The following STARD3NL variants were observed in gnomAD, a reference collection of about 807,000 sequenced individuals.
The protein encoded by STARD3NL is STARD3 N-terminal like, also known as STARD3 N-terminal-like protein.
A neutral mutation model predicts 30.9 loss-of-function variants in STARD3NL; 17 were observed. The ratio of observed to expected loss-of-function variants is 0.55; its 90% CI spans 0.38 to 0.82. The LOEUF is 0.82. Among genes scored for constraint, STARD3NL ranks in the 40% least tolerant of loss-of-function variants. The pLI is 0.00. For missense variants in STARD3NL, 234 were observed against 277.6 expected, an observed-to-expected ratio of 0.84 and a Z score of 1.12; for synonymous variants, 112 against 100.5, an observed-to-expected ratio of 1.11 and a Z score of -0.69.
chr7:38,225,487 C>T (rs978836897), intron 7 of STARD3NL, among the ~76,000 whole-genome samples: 53 of 152,238 alleles, frequency 3.5e-4, no homozygotes, highest in African/African-American at 1.2e-3. Context: ...ATTAAGATTA[C>T]AATACATTTT....
At chr7:38,219,936 C>A (rs1387729642) in intron 7 of STARD3NL, among the ~76,000 whole-genome samples, 1 of 152,154 alleles carries the variant, frequency 6.6e-6, no homozygotes, top group Non-Finnish European at 1.5e-5. Context: ...TCAGTGCTCT[C>A]ATTATTGCGG....
At chr7:38,197,146 T>TTCTTTC (rs1554295471) in intron 1 of STARD3NL, among the ~76,000 whole-genome samples, 2 of 140,448 alleles carry the variant, frequency 1.4e-5, no homozygotes, top group Non-Finnish European at 3.1e-5. Context: ...TTTTCTTTCT[T>TTCTTTC]TCTTTCTTTC....
At chr7:38,218,382 A>G (rs942439434) in intron 6 of STARD3NL, among the ~76,000 whole-genome samples, 1 of 152,256 alleles carries the variant, frequency 6.6e-6, no homozygotes, top group Non-Finnish European at 1.5e-5. Context: ...TTAAAAACCC[A>G]TTAATCAGAC....
chr7:38,191,992 TATGA>T (rs1784706092), intron 1 of STARD3NL, among the ~76,000 whole-genome samples: 1 of 152,206 alleles, frequency 6.6e-6, no homozygotes, highest in Non-Finnish European at 1.5e-5. Flanking sequence ...ATCTTAACAA[TATGA>T]ATTCTTCCAA....
chr7:38,217,387 G>T, intron 6 of STARD3NL, 82 bp downstream of exon 6: 1 of 1,331,992 alleles, frequency 7.5e-7, no homozygotes, highest in Non-Finnish European at 1.1e-6. Context: ...TGGTGTGAAT[G>T]GGGCTGCAAA....
intron 7 of STARD3NL, among the ~76,000 whole-genome samples, chr7:38,223,667 T>C (rs1359276478): frequency 6.6e-6 from 1 of 152,142 alleles, no homozygotes. Flanking sequence ...TGTTCTTGTT[T>C]AGATGATCAT....
chr7:38,212,070 C>G (rs1717415090), intron 2 of STARD3NL, among the ~76,000 whole-genome samples: 1 of 152,298 alleles, frequency 6.6e-6, no homozygotes, highest in East Asian at 1.9e-4. Context: ...CCTGCTTCCT[C>G]TCACCCTGCA....
At chr7:38,215,823 GAGCTCGGGTCTGGGTGGCCC>G in intron 4 of STARD3NL, 1 of 152,230 alleles carries the variant, frequency 6.6e-6, no homozygotes, top group Non-Finnish European at 1.5e-5. Context: ...TAGAGGGTGA[GAGCTCGGGTCTGGGTGGCCC>G]AGGCCTGGGT....
chr7:38,203,211 A>G (rs1785272792), intron 1 of STARD3NL, among the ~76,000 whole-genome samples: 1 of 152,162 alleles, frequency 6.6e-6, no homozygotes, highest in African/African-American at 2.4e-5. Context: ...ATGAAGGAAA[A>G]AGTGTTAAGG....
intron 1 of STARD3NL, among the ~76,000 whole-genome samples, chr7:38,187,579 A>G (rs1784513765): frequency 6.6e-6 from 1 of 152,148 alleles, no homozygotes; most frequent in South Asian, 2.1e-4. Flanking sequence ...TAGTGGACTT[A>G]CATAGGGCCC....
chr7:38,211,828 G>A (rs150096415), intron 2 of STARD3NL, among the ~76,000 whole-genome samples: 235 of 152,190 alleles, frequency 1.5e-3, no homozygotes, highest in African/African-American at 5.1e-3. Flanking sequence ...ACATGAAAAC[G>A]CATTTTGATT....
rs1034199478 is a variant in STARD3NL, at chr7:38,184,023, G to T, written c.-59+5603G>T. Among the ~76,000 whole-genome samples, 3 of 152,074 alleles carry T rather than the reference G, an allele frequency of 2.0e-5. No homozygotes were observed. In the East Asian group the frequency reaches 5.8e-4, roughly 29 times the overall value. On this transcript the variant is annotated intron_variant, in intron 1 of 8. Coordinates refer to ENST00000009041, the MANE Select transcript of STARD3NL (RefSeq NM_032016.4). Reference sequence around the variant, plus strand: ...CTAACACATGCCAGGCATATCTTTGGGTGCTAAGAATATAGAATGTTCTCT... The same window carrying T: ...CTAACACATGCCAGGCATATCTTTGTGTGCTAAGAATATAGAATGTTCTCT...
intron 4 of STARD3NL, 182 bp from the exon 5 acceptor site, chr7:38,216,842 GC>G: frequency 1.6e-6 from 1 of 616,646 alleles, no homozygotes; most frequent in Non-Finnish European, 2.9e-6. Context: ...ACATGTAGAA[GC>G]CCATTTTGCC....
At chr7:38,183,302 A>G (rs932329248) in intron 1 of STARD3NL, among the ~76,000 whole-genome samples, 6 of 152,078 alleles carry the variant, frequency 3.9e-5, no homozygotes, top group African/African-American at 1.4e-4. Context: ...AGCACTGTTG[A>G]TATTTTAGGC....
At chr7:38,208,910 C>A (rs1419028038) in intron 2 of STARD3NL, among the ~76,000 whole-genome samples, 5 of 152,200 alleles carry the variant, frequency 3.3e-5, no homozygotes, top group African/African-American at 1.2e-4. Flanking sequence ...AAACTCTATT[C>A]TCTTAATAAT....
intron 1 of STARD3NL, among the ~76,000 whole-genome samples, chr7:38,188,770 AT>A (rs1387549955): frequency 2.0e-5 from 3 of 152,184 alleles, no homozygotes; most frequent in African/African-American, 7.2e-5. Context: ...AAATCTTAAT[AT>A]TTATCTCTGC....
rs73348653 is a variant in STARD3NL, at chr7:38,199,148, C to T, written c.-58-8299C>T. 6.3e-3 allele frequency among the ~76,000 whole-genome samples: 959 copies of T among 152,276 alleles called. 14 individuals are homozygous for T. The highest frequency in any genetic ancestry group is 0.021 in the African/African-American group (862 of 41,552). On this transcript the variant is annotated intron_variant, in intron 1 of 8. Coordinates refer to ENST00000009041, the MANE Select transcript of STARD3NL (RefSeq NM_032016.4). ...TTCTAATTCTTCACTCCCATACTTC[C>T]CACACAGTTGGGATAAATTCTGAAT...
intron 3 of STARD3NL, 84 bp downstream of exon 3, chr7:38,214,518 G>T: frequency 3.7e-6 from 3 of 820,282 alleles, no homozygotes; most frequent in Non-Finnish European, 5.8e-6. Context: ...CAAATTCCAT[G>T]CCCTTTTTTC....
chr7:38,185,791 C>T (rs1784434295), intron 1 of STARD3NL, among the ~76,000 whole-genome samples: 1 of 152,068 alleles, frequency 6.6e-6, no homozygotes, highest in South Asian at 2.1e-4. Context: ...TCTGGGGAGG[C>T]GTTGAAGAAT....
Sources: allele counts gnomAD v4.1 joint callset (sites outside exome capture counted in the v4.1 genomes callset), GRCh38; gene constraint gnomAD v4.1.1; transcripts MANE v1.5; gene names NCBI Gene and HGNC (gene_info 2026-07-23, HGNC 2026-07-21).